The following HMGB1 variants were observed in gnomAD, a reference collection of about 807,000 sequenced individuals.
The protein encoded by HMGB1 is high mobility group protein B1.
For synonymous variants in HMGB1, 81 were observed against 84.0 expected, an observed-to-expected ratio of 0.96 and a Z score of 0.19; for missense variants, 79 against 253.5, an observed-to-expected ratio of 0.31 and a Z score of 4.67.
chr13:30,513,548 C>T (rs1888037732), intron 1 of HMGB1, among the ~76,000 whole-genome samples: 1 of 152,174 alleles, frequency 6.6e-6, no homozygotes, highest in African/African-American at 2.4e-5. Context: ...TGAAATCATT[C>T]CAGAGCACTG....
intron 1 of HMGB1, among the ~76,000 whole-genome samples, chr13:30,510,838 C>A (rs1887976216): frequency 6.6e-6 from 1 of 152,188 alleles, no homozygotes; most frequent in Non-Finnish European, 1.5e-5. Flanking sequence ...GAGATCAATT[C>A]TCCTCCAGCC....
rs1423044566 is a variant in HMGB1, at chr13:30,460,974, T to G, written c.*383A>C. 2 of 743,838 alleles carry G rather than the reference T, an allele frequency of 2.7e-6. No individual in the cohort carries two copies. The highest frequency in any genetic ancestry group is 3.8e-5 in the African/African-American group (2 of 52,222). The allele number at this position is 743,838 out of a possible 1,614,324, so 46.1% of individuals were successfully genotyped here. A position where few individuals can be genotyped will look rare whatever the true frequency, so the allele number is the denominator to read the frequency against. ...GCAACTTTTTTTTTTTTTTTGCAAT[T>G]ACAGAGTGGTATTCAGTTAACAGAA... is the stretch of plus-strand genomic sequence containing the variant. On this transcript the variant is annotated 3_prime_UTR_variant, in exon 5 of 5. Transcript: ENST00000341423.
intron 1 of HMGB1, among the ~76,000 whole-genome samples, chr13:30,562,381 T>C (rs990627846): frequency 4.6e-5 from 7 of 151,930 alleles, no homozygotes; most frequent in Non-Finnish European, 1.0e-4. Context: ...TAAATTTATA[T>C]ATAAAATTAT....
chr13:30,462,096 GAGC>G (rs1221035270), intron 4 of HMGB1, among the ~76,000 whole-genome samples: 11 of 152,174 alleles, frequency 7.2e-5, no homozygotes, highest in African/African-American at 2.2e-4. Flanking sequence ...TTACTGGACA[GAGC>G]AGCAGACTTG....
intron 1 of HMGB1, among the ~76,000 whole-genome samples, chr13:30,577,342 TAA>T (rs5802577): frequency 0.017 from 2,131 of 128,160 alleles, 28 homozygotes; most frequent in Non-Finnish European, 0.022. Flanking sequence ...CCAGTCTCTT[TAA>T]AAAAAAAAAA....
At chr13:30,538,506 CTTTCCTTT>C (rs1205739480) in intron 1 of HMGB1, among the ~76,000 whole-genome samples, 3 of 109,972 alleles carry the variant, frequency 2.7e-5, no homozygotes, top group African/African-American at 9.5e-5. Flanking sequence ...TTCTTTCTTT[CTTTCCTTT>C]CTTTCTTTCC....
intron 1 of HMGB1, among the ~76,000 whole-genome samples, chr13:30,477,273 T>C (rs1388806119): frequency 6.8e-6 from 1 of 146,452 alleles, no homozygotes; most frequent in Non-Finnish European, 1.5e-5. Context: ...ATTGTTGCGA[T>C]GGACTCCGAT....
At chr13:30,612,319 A>C (rs181925416) in intron 1 of HMGB1, among the ~76,000 whole-genome samples, 6 of 152,322 alleles carry the variant, frequency 3.9e-5, no homozygotes, top group African/African-American at 1.4e-4. Context: ...AGGGCTCCTC[A>C]AATAGGGTGG....
At chr13:30,466,448 G>T (rs1886789181), upstream of HMGB1, among the ~76,000 whole-genome samples, 1 of 152,320 alleles carries the variant, frequency 6.6e-6, no homozygotes, top group Middle Eastern at 3.4e-3. Context: ...GGAAGCCGCC[G>T]AGCCTCGAGC....
chr13:30,540,345 G>T, intron 1 of HMGB1: 1 of 160,422 alleles, frequency 6.2e-6, no homozygotes, highest in South Asian at 1.7e-4. Context: ...AGGCCAGTTT[G>T]AGCAGCACGA....
At chr13:30,475,138 C>CTT (rs71093064) in intron 1 of HMGB1, among the ~76,000 whole-genome samples, 31 of 26,058 alleles carry the variant, frequency 1.2e-3, no homozygotes, top group African/African-American at 2.5e-3. Context: ...CTCTCTCTCT[C>CTT]TTTTTTTTTT....
At chr13:30,498,651 A>G (rs571961161) in intron 1 of HMGB1, among the ~76,000 whole-genome samples, 43 of 149,026 alleles carry the variant, frequency 2.9e-4, no homozygotes, top group Non-Finnish European at 5.9e-5. Flanking sequence ...TATTATTATT[A>G]TTATTATTAT....
intron 1 of HMGB1, among the ~76,000 whole-genome samples, chr13:30,548,468 T>C (rs1450029863): frequency 6.6e-6 from 1 of 152,206 alleles, no homozygotes; most frequent in African/African-American, 2.4e-5. Flanking sequence ...ATACAGCACC[T>C]GACTAGGAAA....
At chr13:30,554,035 A>T (rs1593308684) in intron 1 of HMGB1, 2 of 1,456,422 alleles carry the variant, frequency 1.4e-6, no homozygotes, top group Non-Finnish European at 1.9e-6. Context: ...GAATCGGTTA[A>T]ATGTGCGCAG....
chr13:30,508,071 C>T (rs574926025), intron 1 of HMGB1, among the ~76,000 whole-genome samples: 2 of 152,220 alleles, frequency 1.3e-5, no homozygotes, highest in East Asian at 1.9e-4. Flanking sequence ...ACTGTTACTC[C>T]CATATCATAC....
intron 1 of HMGB1, among the ~76,000 whole-genome samples, chr13:30,595,506 G>T (rs1236241357): frequency 6.6e-6 from 1 of 152,168 alleles, no homozygotes; most frequent in African/African-American, 2.4e-5. Context: ...ATCAACAAAG[G>T]TTGTATTTTT....
At chr13:30,467,576 T>C (rs1886826771), upstream of HMGB1, among the ~76,000 whole-genome samples, 1 of 152,228 alleles carries the variant, frequency 6.6e-6, no homozygotes, top group African/African-American at 2.4e-5. Flanking sequence ...TTAAAGATAA[T>C]ATATCTAAAG....
intron 4 of HMGB1, among the ~76,000 whole-genome samples, chr13:30,462,152 G>A (rs760050449): frequency 6.6e-5 from 10 of 152,096 alleles, no homozygotes; most frequent in Non-Finnish European, 1.2e-4. Context: ...GTATCTAAAG[G>A]AAAAGAACAT....
chr13:30,603,392 C>T (rs554319771), intron 1 of HMGB1, among the ~76,000 whole-genome samples: 18 of 152,148 alleles, frequency 1.2e-4, no homozygotes, highest in Non-Finnish European at 2.1e-4. Context: ...ACTCCTTCTC[C>T]TTCTCTTTAC....
Sources: allele counts gnomAD v4.1 joint callset (sites outside exome capture counted in the v4.1 genomes callset), GRCh38; gene constraint gnomAD v4.1.1; transcripts MANE v1.5; gene names NCBI Gene and HGNC (gene_info 2026-07-23, HGNC 2026-07-21).